PTK2B: variants seen among roughly 807,000 people sequenced by gnomAD.
PTK2B encodes the protein protein-tyrosine kinase 2-beta.
PTK2B carries 71 observed loss-of-function variants against 142.9 expected under a neutral mutation model. The ratio of observed to expected loss-of-function variants is 0.50; its 90% confidence interval spans 0.41 to 0.61. PTK2B has a LOEUF of 0.61. Ranked by LOEUF, PTK2B falls within the 20% of genes least tolerant of loss-of-function variation. The pLI is 0.00. For synonymous variants in PTK2B, 519 were observed against 503.4 expected, an observed-to-expected ratio of 1.03 and a Z score of -0.42; for missense variants, 1,105 against 1,320.4, an observed-to-expected ratio of 0.84 and a Z score of 2.53.
At chr8:27,315,203 A>G (rs111782300) in intron 3 of PTK2B, among the ~76,000 whole-genome samples, 2 of 152,280 alleles carry the variant, frequency 1.3e-5, no homozygotes, top group African/African-American at 4.8e-5. Context: ...TTCTCCTGCA[A>G]TTACCTGGGG....
chr8:27,440,911 C>T (rs901775215), intron 21 of PTK2B, among the ~76,000 whole-genome samples: 10 of 152,122 alleles, frequency 6.6e-5, no homozygotes, highest in East Asian at 1.9e-4. Flanking sequence ...CCTGAGGGCC[C>T]GTCGGTGCCC....
At chr8:27,411,503 A>T (rs1809061829) in intron 2 of PTK2B, among the ~76,000 whole-genome samples, 1 of 152,222 alleles carries the variant, frequency 6.6e-6, no homozygotes, top group African/African-American at 2.4e-5. Flanking sequence ...TGTCATAGAC[A>T]GTTGCTGATG....
At chr8:27,398,797 C>G (rs17057104) in intron 2 of PTK2B, among the ~76,000 whole-genome samples, 129,460 of 152,278 alleles carry the variant, frequency 0.85, 55,630 homozygotes, top group Middle Eastern at 0.96. Context: ...TGTTTCCTTT[C>G]GTTAGTACTG....
chr8:27,356,217 G>A (rs1213553265), intron 1 of PTK2B, among the ~76,000 whole-genome samples: 2 of 152,114 alleles, frequency 1.3e-5, no homozygotes, highest in African/African-American at 4.8e-5. Context: ...GGTTGGGGTG[G>A]CCTGTATTAG....
intron 1 of PTK2B, among the ~76,000 whole-genome samples, chr8:27,391,509 G>A (rs1487662916): frequency 6.6e-6 from 1 of 152,192 alleles, no homozygotes; most frequent in Non-Finnish European, 1.5e-5. Context: ...CACAACATGT[G>A]TAACATTACC....
At chr8:27,450,261 C>T (rs1008363957) in intron 24 of PTK2B, among the ~76,000 whole-genome samples, 2 of 152,284 alleles carry the variant, frequency 1.3e-5, no homozygotes, top group Non-Finnish European at 2.9e-5. Flanking sequence ...GCTTCCAGAC[C>T]TGCCACCTTG....
At chr8:27,369,264 T>C (rs1806199557) in intron 1 of PTK2B, among the ~76,000 whole-genome samples, 1 of 152,068 alleles carries the variant, frequency 6.6e-6, no homozygotes. Context: ...ACAGGATCCC[T>C]TCACTGGCAT....
intron 1 of PTK2B, among the ~76,000 whole-genome samples, chr8:27,337,487 C>A (rs1041001044): frequency 6.6e-6 from 1 of 152,164 alleles, no homozygotes; most frequent in Non-Finnish European, 1.5e-5. Flanking sequence ...CAAAAAGAAA[C>A]CCCCGTACCA....
At chr8:27,319,878 C>T (rs562183038) in intron 3 of PTK2B, among the ~76,000 whole-genome samples, 3 of 152,012 alleles carry the variant, frequency 2.0e-5, no homozygotes, top group Non-Finnish European at 4.4e-5. Context: ...AAAAGAAAAA[C>T]GCTGCATATT....
chr8:27,340,018 C>T (rs1180367606), intron 1 of PTK2B, among the ~76,000 whole-genome samples: 2 of 152,202 alleles, frequency 1.3e-5, no homozygotes, highest in Non-Finnish European at 2.9e-5. Flanking sequence ...AGGAATGAGT[C>T]TATGTGCTTC....
Position 27,433,434 on chromosome 8 carries a change from G to A in PTK2B, c.988-1G>A. 6.2e-7 allele frequency: 1 copy of A among 1,613,396 alleles called. No individual in the cohort carries two copies. Among genetic ancestry groups the A allele is most frequent in the Non-Finnish European group, 8.5e-7 (1 of 1,179,348 alleles). On this transcript the variant is annotated splice_acceptor_variant, in intron 10 of 30. Transcript: ENST00000346049. LOFTEE classifies it high-confidence loss of function. ...ACCCTTGGCTGGTCTCTGCTCCGCA[G>A]GCCTTGTCCATCAAAACCTCATCCC...
intron 2 of PTK2B, among the ~76,000 whole-genome samples, chr8:27,414,439 G>C (rs539023688): frequency 6.6e-6 from 1 of 152,034 alleles, no homozygotes; most frequent in Admixed American, 6.5e-5. Context: ...GTAGAGACGG[G>C]GTTTCACCAT....
intron 17 of PTK2B, 132 bp from the exon 18 acceptor site, chr8:27,437,633 G>A: frequency 8.2e-7 from 1 of 1,213,914 alleles, no homozygotes; most frequent in Non-Finnish European, 1.2e-6. Context: ...GGAAATTGCT[G>A]GAACATTTTG....
intron 30 of PTK2B, among the ~76,000 whole-genome samples, chr8:27,457,271 T>C (rs769238554): frequency 3.9e-5 from 6 of 152,246 alleles, no homozygotes; most frequent in Admixed American, 6.5e-5. Context: ...CTGAAAATTT[T>C]AGGGCCCTTA....
chr8:27,320,989 T>TTTTTTTTTTTTTTTTTG, upstream of PTK2B, among the ~76,000 whole-genome samples: 1 of 118,014 alleles, frequency 8.5e-6, no homozygotes, highest in African/African-American at 3.3e-5. Context: ...GCTTTTTTTT[T>TTTTTTTTTTTTTTTTTG]TTTTTTTTTT....
intron 2 of PTK2B, among the ~76,000 whole-genome samples, chr8:27,418,766 G>A (rs769388776): frequency 5.9e-5 from 9 of 152,056 alleles, no homozygotes; most frequent in South Asian, 4.1e-4. Flanking sequence ...GGTGGCTCAC[G>A]CCTGTAATCC....
intron 15 of PTK2B, 97 bp from the exon 16 acceptor site, chr8:27,437,025 G>C: frequency 8.5e-7 from 1 of 1,182,726 alleles, no homozygotes. Flanking sequence ...CCCTTTCCTG[G>C]CAGCAAAATC....
intron 20 of PTK2B, 40 bp from the exon 21 acceptor site, chr8:27,440,197 G>A (rs1259798400): frequency 6.3e-7 from 1 of 1,597,738 alleles, no homozygotes; most frequent in African/African-American, 1.3e-5. Flanking sequence ...GGAGGGACTG[G>A]TCTCCCCCAC....
chr8:27,451,111 C>T (rs759534400), intron 26 of PTK2B, 33 bp downstream of exon 26: 2 of 1,604,334 alleles, frequency 1.2e-6, no homozygotes, highest in Non-Finnish European at 1.7e-6. Flanking sequence ...CTCCTCCATG[C>T]CAAGGCCTGG....
Sources: allele counts gnomAD v4.1 joint callset (sites outside exome capture counted in the v4.1 genomes callset), GRCh38; gene constraint gnomAD v4.1.1; transcripts MANE v1.5; gene names NCBI Gene and HGNC (gene_info 2026-07-23, HGNC 2026-07-21).